FRMD4B: variants seen among roughly 807,000 people sequenced by gnomAD.
FRMD4B encodes the protein FERM domain containing 4B, also known as FERM domain-containing protein 4B.
In FRMD4B, 74 loss-of-function variants were observed where a neutral mutation model predicts 141.5. That is an observed-to-expected ratio of 0.52 (90% CI 0.43 to 0.63). The LOEUF is 0.63. Among genes scored for constraint, FRMD4B ranks in the 30% least tolerant of loss-of-function variants. The pLI is 0.00. For missense variants in FRMD4B, 1,366 were observed against 1,253.4 expected, an observed-to-expected ratio of 1.09 and a Z score of -1.36; for synonymous variants, 506 against 467.9, an observed-to-expected ratio of 1.08 and a Z score of -1.05.
chr3:69,419,989 T>C lies in FRMD4B; in HGVS notation c.-1+12645A>G, dbSNP rs144676071. On this transcript the variant is annotated intron_variant, in intron 2 of 5. Coordinates refer to the FRMD4B transcript ENST00000459638. The stretch of plus-strand genomic sequence containing the variant: ...CTCCTGCCTCAGCCTCCGGAGTAGC[T>C]GGGATTACAGGCACCCACCACCACG... 2.8e-3 allele frequency among the ~76,000 whole-genome samples: 425 copies of C among 152,322 alleles called. 1 individual carries two copies. The highest frequency in any genetic ancestry group is 9.7e-3 in the African/African-American group (404 of 41,578).
At chr3:69,407,000 T>G (rs571950257) in intron 2 of FRMD4B, among the ~76,000 whole-genome samples, 1 of 150,638 alleles carries the variant, frequency 6.6e-6, no homozygotes, top group South Asian at 2.1e-4. Context: ...TGCCTTGGCC[T>G]CTGAAGTGCT....
intron 2 of FRMD4B, among the ~76,000 whole-genome samples, chr3:69,403,926 T>C (rs960678994): frequency 1.8e-4 from 27 of 151,166 alleles, no homozygotes; most frequent in African/African-American, 5.7e-4. Context: ...AGAGACAGGG[T>C]CTCTCTTGTC....
At chr3:69,267,591 GTGTGTA>G (rs1166883801) in intron 5 of FRMD4B, among the ~76,000 whole-genome samples, 24 of 98,116 alleles carry the variant, frequency 2.4e-4, no homozygotes, top group African/African-American at 1.1e-3. Context: ...GTGTGTGTGT[GTGTGTA>G]TATATATATA....
chr3:69,352,263 A>G (rs1487505424), intron 1 of FRMD4B, among the ~76,000 whole-genome samples: 1 of 152,186 alleles, frequency 6.6e-6, no homozygotes, highest in East Asian at 1.9e-4. Context: ...CTGAGAATCC[A>G]GGTCACAGGA....
intron 2 of FRMD4B, among the ~76,000 whole-genome samples, chr3:69,426,840 G>A (rs1470692559): frequency 2.0e-5 from 3 of 152,176 alleles, no homozygotes; most frequent in Non-Finnish European, 4.4e-5. Context: ...AGGCCACTTG[G>A]CTGAGAAACA....
chr3:69,311,420 C>T, intron 2 of FRMD4B, 63 bp from the exon 3 acceptor site: 2 of 737,510 alleles, frequency 2.7e-6, no homozygotes, highest in Non-Finnish European at 4.8e-6. Flanking sequence ...CTACCACCTT[C>T]CTCTGCCCTA....
upstream of FRMD4B, chr3:69,386,184 C>T (rs1575782140): frequency 1.9e-6 from 1 of 528,056 alleles, no homozygotes; most frequent in Non-Finnish European, 3.4e-6. Context: ...TGCCCGCCAG[C>T]CAACGGCTGC....
chr3:69,182,811 C>A, intron 19 of FRMD4B, 94 bp from the exon 20 acceptor site: 4 of 1,184,044 alleles, frequency 3.4e-6, no homozygotes, highest in Non-Finnish European at 4.8e-6. Context: ...ACTAGAAGCC[C>A]AAGGAAAGGG....
At chr3:69,461,012 A>T (rs1705698921) in intron 1 of FRMD4B, among the ~76,000 whole-genome samples, 1 of 152,160 alleles carries the variant, frequency 6.6e-6, no homozygotes. Flanking sequence ...TCACATTTGG[A>T]TATTAGCATT....
intron 2 of FRMD4B, among the ~76,000 whole-genome samples, chr3:69,410,692 GA>G (rs78071618): frequency 0.17 from 22,914 of 133,056 alleles, 2,317 homozygotes; most frequent in Middle Eastern, 0.26. Context: ...TGGAACAAGG[GA>G]AAAAAAGAAA....
chr3:69,420,780 T>G (rs940341838), intron 2 of FRMD4B, among the ~76,000 whole-genome samples: 39 of 152,274 alleles, frequency 2.6e-4, no homozygotes, highest in South Asian at 1.7e-3. Context: ...AAGATTTAAT[T>G]GGCTAGGATA....
chr3:69,392,271 G>A (rs1704397380), intron 2 of FRMD4B, among the ~76,000 whole-genome samples: 2 of 152,166 alleles, frequency 1.3e-5, no homozygotes, highest in Non-Finnish European at 1.5e-5. Context: ...ATGTAAAGGA[G>A]CAGGCACTGC....
At chr3:69,401,772 C>T (rs902266133) in intron 2 of FRMD4B, among the ~76,000 whole-genome samples, 1 of 152,128 alleles carries the variant, frequency 6.6e-6, no homozygotes, top group African/African-American at 2.4e-5. Context: ...TGGTCTCAAA[C>T]TCCTGGACTC....
upstream of FRMD4B, among the ~76,000 whole-genome samples, chr3:69,390,674 C>T (rs1195281140): frequency 6.6e-6 from 1 of 152,100 alleles, no homozygotes; most frequent in Non-Finnish European, 1.5e-5. Flanking sequence ...TGGCAGATTA[C>T]TTGAGGTCAG....
chr3:69,200,770 G>A (rs1279558552), intron 11 of FRMD4B: 96 of 932,254 alleles, frequency 1.0e-4, no homozygotes, highest in Non-Finnish European at 1.3e-4. Flanking sequence ...GAATTTCACC[G>A]GAGGCTGTTT....
In FRMD4B at chr3:69,195,331, T is replaced by G; in HGVS notation, c.1268A>C (p.Lys423Thr). 1 of 1,613,136 alleles carries G rather than the reference T, an allele frequency of 6.2e-7. No individual in the cohort carries two copies. The highest frequency in any genetic ancestry group is 8.5e-7 in the Non-Finnish European group (1 of 1,179,574). Residue 423 changes from lysine to threonine, a missense_variant, in exon 15 of 23, where the codon AAG (lysine) becomes ACG (threonine). Transcript: ENST00000398540. ...SQDSEVSEEQKREKILELKKK... is the reference protein window; with the variant it reads ...SQDSEVSEEQTREKILELKKK... ...CTTTAGTTCAAGGATTTTTTCTCTC[T>G]TTTGCTCTTCACTAACTTCTGAGTC...
At chr3:69,516,377 G>T (rs972748709) in intron 1 of FRMD4B, among the ~76,000 whole-genome samples, 56 of 152,230 alleles carry the variant, frequency 3.7e-4, no homozygotes, top group African/African-American at 1.3e-3. Flanking sequence ...GTAATAATAA[G>T]AATCCTAATA....
At chr3:69,289,930 T>TC (rs1700817682) in intron 4 of FRMD4B, among the ~76,000 whole-genome samples, 1 of 152,218 alleles carries the variant, frequency 6.6e-6, no homozygotes, top group Admixed American at 6.5e-5. Context: ...TCTTGATTTG[T>TC]CCTTTTTTTC....
At chr3:69,469,600 A>C (rs1293366808) in intron 1 of FRMD4B, among the ~76,000 whole-genome samples, 1 of 152,154 alleles carries the variant, frequency 6.6e-6, no homozygotes, top group African/African-American at 2.4e-5. Flanking sequence ...ACTGCATGAG[A>C]GTGGTTCAAT....
Sources: allele counts gnomAD v4.1 joint callset (sites outside exome capture counted in the v4.1 genomes callset), GRCh38; gene constraint gnomAD v4.1.1; transcripts MANE v1.5; gene names NCBI Gene and HGNC (gene_info 2026-07-23, HGNC 2026-07-21).